Variants in STRN observed in about 807,000 individuals in gnomAD.
STRN encodes protein phosphatase 2 regulatory subunit B'''alpha.
In STRN, 53 loss-of-function variants were observed where a neutral mutation model predicts 96.3. That is an observed-to-expected ratio of 0.55 (90% CI 0.44 to 0.69). The LOEUF (loss-of-function observed/expected upper bound fraction) is 0.69, where lower values mean the gene tolerates loss of function less well. STRN is among the 30% of genes least tolerant of loss of function. The pLI, the probability that STRN is intolerant of heterozygous loss-of-function variation, is 0.00. For missense variants in STRN, 987 were observed against 963.9 expected, an observed-to-expected ratio of 1.02 and a Z score of -0.32; for synonymous variants, 428 against 355.9, an observed-to-expected ratio of 1.20 and a Z score of -2.28.
intron 10 of STRN, among the ~76,000 whole-genome samples, chr2:36,870,315 T>C (rs937225202): frequency 6.7e-6 from 1 of 149,472 alleles, no homozygotes; most frequent in African/African-American, 2.5e-5. Context: ...AAAAAAGCAC[T>C]ATTTTTTCAT....
intron 9 of STRN, among the ~76,000 whole-genome samples, chr2:36,879,614 TGACA>T (rs1166316423): frequency 2.0e-5 from 3 of 152,248 alleles, no homozygotes; most frequent in Non-Finnish European, 4.4e-5. Flanking sequence ...CAATTTGTTC[TGACA>T]AACGTCAGAG....
intron 1 of STRN, among the ~76,000 whole-genome samples, chr2:36,943,619 AC>A (rs1670902695): frequency 6.6e-6 from 1 of 151,978 alleles, no homozygotes; most frequent in Non-Finnish European, 1.5e-5. Context: ...CCCGGCTAAC[AC>A]AGTGAAACCC....
chr2:36,931,807 G>C (rs574297054), intron 1 of STRN, among the ~76,000 whole-genome samples: 1 of 152,266 alleles, frequency 6.6e-6, no homozygotes, highest in South Asian at 2.1e-4. Context: ...CTTTAAAACT[G>C]CTTGCTTGCT....
At chr2:36,913,718 G>C (rs531274174) in intron 3 of STRN, among the ~76,000 whole-genome samples, 3 of 152,272 alleles carry the variant, frequency 2.0e-5, no homozygotes, top group East Asian at 3.9e-4. Flanking sequence ...AAGATGAATG[G>C]ATGGTTGGAA....
rs551971251 is a variant in STRN at position 36,881,348 on chromosome 2, G to C, written c.1186+2584C>G. Among the ~76,000 whole-genome samples, 56 of 152,124 alleles carry C rather than the reference G, an allele frequency of 3.7e-4. 1 individual carries two copies. The South Asian group carries it at 6.6e-3, about 18-fold the overall frequency. ...TTGCCATGTTGGCCAGGCTGGTCTTGAATTTCTGGCCTCAAGTGATCTGCC... is the reference window on the plus strand; with the variant it reads ...TTGCCATGTTGGCCAGGCTGGTCTTCAATTTCTGGCCTCAAGTGATCTGCC... On this transcript the variant is annotated intron_variant, in intron 9 of 17. Transcript: ENST00000263918.
intron 1 of STRN, among the ~76,000 whole-genome samples, chr2:36,945,123 TA>T (rs999243316): frequency 3.2e-4 from 49 of 152,084 alleles, no homozygotes; most frequent in African/African-American, 8.7e-4. Context: ...TGGATCTTTT[TA>T]AAAAAAGAGA....
chr2:36,893,785 TTCACAG>T (rs1669465892), intron 7 of STRN, 107 bp downstream of exon 7: 1 of 1,338,754 alleles, frequency 7.5e-7, no homozygotes. Context: ...TAGTAATAAG[TTCACAG>T]AATGCTCAAT....
intron 2 of STRN, among the ~76,000 whole-genome samples, 188 bp downstream of exon 2, chr2:36,924,917 G>A (rs549676112): frequency 2.0e-5 from 3 of 152,220 alleles, no homozygotes; most frequent in South Asian, 4.1e-4. Flanking sequence ...TTAGCTGGGT[G>A]TGGTGGCACA....
At position 36,902,497 on chromosome 2, in the gene STRN, C is replaced by T. The variant is rs563781087; in HGVS notation, c.659+87G>A. On this transcript the variant is annotated intron_variant, in intron 5 of 17. Transcript: ENST00000263918. ...GTTATAAATTATTTCTATGTCACTA[C>T]CTAAAAGTACAAGTAATGTCCATAA... 3.8e-6 allele frequency: 4 copies of T among 1,051,036 alleles called. No individual in the cohort carries two copies. The African/African-American group carries it at 4.9e-5, about 13-fold the overall frequency. The allele number at this position is 1,051,036 out of a possible 1,614,324, so 65.1% of individuals were successfully genotyped here.
chr2:36,881,842 G>C (rs935136162), intron 9 of STRN, among the ~76,000 whole-genome samples: 2 of 152,150 alleles, frequency 1.3e-5, no homozygotes, highest in Admixed American at 6.5e-5. Flanking sequence ...GAGAATAAGA[G>C]AAAAACTAAC....
At chr2:36,905,211 C>T (rs1669790971) in intron 4 of STRN, among the ~76,000 whole-genome samples, 1 of 152,114 alleles carries the variant, frequency 6.6e-6, no homozygotes, top group Admixed American at 6.5e-5. Context: ...TCAAGTGATC[C>T]ATCCACCTTG....
rs1318333339 is a variant in STRN at position 36,847,066 on chromosome 2, C to T, written c.*2390G>A. ...TACTCTGGTTGGAAGACAGCTTTGGCTCATTTCTAGGCTGAGATCATGCAG... is the reference window on the plus strand; with the variant it reads ...TACTCTGGTTGGAAGACAGCTTTGGTTCATTTCTAGGCTGAGATCATGCAG... On this transcript the variant is annotated 3_prime_UTR_variant, in exon 18 of 18. Coordinates refer to ENST00000263918, the MANE Select transcript of STRN (RefSeq NM_003162.4). The T allele has an allele frequency of 6.6e-6, 1 of 152,122 alleles. No individual in the cohort carries two copies. Among genetic ancestry groups the T allele is most frequent in the Non-Finnish European group, 1.5e-5 (1 of 68,024 alleles). The allele number at this position is 152,122 out of a possible 1,614,324, so 9.4% of individuals were successfully genotyped here.
Position 36,875,787 on chromosome 2 carries a change from G to T in STRN, c.1323+2104C>A, listed in dbSNP as rs80302244. ...TTCTCCTGCCTCAGCCTTATGAGTAGCTGGGACTACAGGCACCCGCCACAA... is the reference window on the plus strand; with the variant it reads ...TTCTCCTGCCTCAGCCTTATGAGTATCTGGGACTACAGGCACCCGCCACAA... On this transcript the variant is annotated intron_variant, in intron 10 of 17. Transcript: ENST00000263918. Among the ~76,000 whole-genome samples the T allele has an allele frequency of 1.8e-3, 279 of 151,530 alleles. 1 individual carries two copies. The highest frequency in any genetic ancestry group is 6.6e-3 in the African/African-American group (273 of 41,354).
In STRN at chr2:36,838,506, C is replaced by A. The variant is rs922256619; in HGVS notation, c.*10950G>T. On this transcript the variant is annotated 3_prime_UTR_variant, in exon 18 of 18. Coordinates refer to ENST00000263918, the MANE Select transcript of STRN (RefSeq NM_003162.4). ...CAGGAAAATGGAAATTAAAATAACACTGAAAAATCACTACATCCACCAGGA... is the reference window on the plus strand; with the variant it reads ...CAGGAAAATGGAAATTAAAATAACAATGAAAAATCACTACATCCACCAGGA... 2.9e-4 allele frequency among the ~76,000 whole-genome samples: 44 copies of A among 152,272 alleles called. No individual in the cohort carries two copies. The highest frequency in any genetic ancestry group is 9.6e-4 in the African/African-American group (40 of 41,550).
intron 1 of STRN, among the ~76,000 whole-genome samples, chr2:36,927,832 T>G (rs1192058967): frequency 2.0e-5 from 3 of 152,238 alleles, no homozygotes; most frequent in Non-Finnish European, 2.9e-5. Context: ...CTGTCAAGTT[T>G]GTAAATGCAT....
At chr2:36,947,459 G>A (rs2148262587) in intron 1 of STRN, among the ~76,000 whole-genome samples, 1 of 151,106 alleles carries the variant, frequency 6.6e-6, no homozygotes, top group African/African-American at 2.4e-5. Context: ...TAACCACTAA[G>A]TATATTAAAT....
At chr2:36,910,152 G>T (rs13408934) in intron 3 of STRN, among the ~76,000 whole-genome samples, 3,954 of 141,300 alleles carry the variant, frequency 0.028, 76 homozygotes, top group African/African-American at 0.069. Flanking sequence ...CAGCCTGGGG[G>T]ACAAGAGCGA....
intron 13 of STRN, among the ~76,000 whole-genome samples, chr2:36,858,497 T>A (rs777291099): frequency 6.6e-6 from 1 of 152,208 alleles, no homozygotes; most frequent in African/African-American, 2.4e-5. Context: ...CCTGAAAATA[T>A]GGCATTCATA....
At chr2:36,903,295 A>ATG (rs2148201315) in intron 4 of STRN, among the ~76,000 whole-genome samples, 1 of 152,308 alleles carries the variant, frequency 6.6e-6, no homozygotes, top group South Asian at 2.1e-4. Flanking sequence ...GTGTGTACAC[A>ATG]TGTGTGTGTA....
Sources: allele counts gnomAD v4.1 joint callset (sites outside exome capture counted in the v4.1 genomes callset), GRCh38; gene constraint gnomAD v4.1.1; transcripts MANE v1.5; gene names NCBI Gene and HGNC (gene_info 2026-07-23, HGNC 2026-07-21).